The following NECTIN1 variants were observed in gnomAD, a reference collection of about 807,000 sequenced individuals.
NECTIN1 encodes nectin-1.
A neutral mutation model predicts 48.0 loss-of-function variants in NECTIN1; 23 were observed. The ratio of observed to expected loss-of-function variants is 0.48; its 90% CI spans 0.34 to 0.68. The LOEUF (loss-of-function observed/expected upper bound fraction) is 0.68. Ranked by LOEUF, NECTIN1 falls within the 30% of genes least tolerant of loss-of-function variation. The pLI is 0.01. For synonymous variants in NECTIN1, 270 were observed against 288.9 expected, an observed-to-expected ratio of 0.93 and a Z score of 0.66; for missense variants, 591 against 709.9, an observed-to-expected ratio of 0.83 and a Z score of 1.90.
chr11:119,701,183 G>C (rs1459262342), intron 1 of NECTIN1, among the ~76,000 whole-genome samples: 2 of 152,174 alleles, frequency 1.3e-5, no homozygotes, highest in Non-Finnish European at 2.9e-5. Flanking sequence ...TGTGAAATGG[G>C]AACACCAATT....
At chr11:119,693,271 G>A (rs1353953259) in intron 1 of NECTIN1, among the ~76,000 whole-genome samples, 1 of 152,162 alleles carries the variant, frequency 6.6e-6, no homozygotes, top group Non-Finnish European at 1.5e-5. Context: ...CCTGGAGGTG[G>A]CACCTGCACC....
At chr11:119,705,570 G>A (rs572607463) in intron 1 of NECTIN1, among the ~76,000 whole-genome samples, 29 of 152,372 alleles carry the variant, frequency 1.9e-4, no homozygotes, top group South Asian at 1.0e-3. Context: ...GCGGGAGAGC[G>A]TCTGGTAACT....
intron 1 of NECTIN1, among the ~76,000 whole-genome samples, chr11:119,719,195 C>T (rs1865790346): frequency 6.6e-6 from 1 of 152,176 alleles, no homozygotes; most frequent in Non-Finnish European, 1.5e-5. Context: ...CTAATAACTC[C>T]CCAAATGCAT....
rs1348186225 is a variant in NECTIN1 at position 119,662,409 on chromosome 11, G to C, written c.*2338C>G. The stretch of plus-strand genomic sequence containing the variant: ...TGAGGCTGGGCCCCTGGCAAGTCAG[G>C]AGCCTCCTACGTGGCCCATGCTACA... On this transcript the variant is annotated 3_prime_UTR_variant, in exon 6 of 6. Transcript: ENST00000264025. This position sits in a 1 kb window ranked among gnomAD's most constrained non-coding sequence, Gnocchi z 5.3. 1 of 985,672 alleles carries C rather than the reference G, an allele frequency of 1.0e-6. No individual in the cohort carries two copies. The highest frequency in any genetic ancestry group is 1.2e-6 in the Non-Finnish European group (1 of 829,960). 61.1% of individuals were successfully genotyped at this position (985,672 alleles called of 1,614,324 possible).
intron 5 of NECTIN1, among the ~76,000 whole-genome samples, chr11:119,668,397 T>C (rs1864811081): frequency 6.6e-6 from 1 of 152,220 alleles, no homozygotes; most frequent in Non-Finnish European, 1.5e-5. Context: ...AGACCAGCAA[T>C]GGCTCCCCAA....
At chr11:119,645,806 G>C (rs1346846953) in intron 5 of NECTIN1, among the ~76,000 whole-genome samples, 3 of 152,182 alleles carry the variant, frequency 2.0e-5, no homozygotes, top group Admixed American at 6.5e-5. Flanking sequence ...CCTCAGTTTA[G>C]CTCATACAGG....
rs1458891769 is a variant in NECTIN1, at chr11:119,662,825, T to C, written c.*1922A>G. 4 of 985,934 alleles carry C rather than the reference T, an allele frequency of 4.1e-6. No individual in the cohort carries two copies. The Admixed American group carries it at 2.5e-4, about 61-fold the overall frequency. The allele number at this position is 985,934 out of a possible 1,614,324, so 61.1% of individuals were successfully genotyped here. ...ACAATTTTCTCCCCTAACTTCACCCTATCCAGTACCCCAAATGTGTAGAGG... is the reference window on the plus strand; with the variant it reads ...ACAATTTTCTCCCCTAACTTCACCCCATCCAGTACCCCAAATGTGTAGAGG... On this transcript the variant is annotated 3_prime_UTR_variant, in exon 6 of 6. Coordinates refer to ENST00000264025, the MANE Select transcript of NECTIN1 (RefSeq NM_002855.5). The surrounding 1 kb of genome is among the most constrained non-coding windows in gnomAD (Gnocchi z 5.3).
Position 119,677,831 on chromosome 11 carries a change from T to C in NECTIN1, c.457A>G (p.Thr153Ala), listed in dbSNP as rs371651972. The C allele has an allele frequency of 1.7e-5, 27 of 1,613,974 alleles. No individual in the cohort carries two copies. The highest frequency in any genetic ancestry group is 5.3e-5 in the African/African-American group (4 of 74,892). ...MAKPTNWIEG[T>A]QAVLRAKKGQ... ...TTCTTGGCTCGAAGCACTGCCTGGGTACCCTCTATCCAATTGGTGGGTTTG... is the reference window on the plus strand; with the variant it reads ...TTCTTGGCTCGAAGCACTGCCTGGGCACCCTCTATCCAATTGGTGGGTTTG... The change falls in exon 3 of 6, where the codon ACC becomes GCC. Residue 153 changes from threonine to alanine, a missense_variant. Thr to Ala is a moderately conservative substitution (Grantham distance 58). Transcript: ENST00000264025. The surrounding 1 kb of genome is among the most constrained non-coding windows in gnomAD (Gnocchi z 5.4).
chr11:119,686,650 A>G (rs1247092461), intron 1 of NECTIN1, among the ~76,000 whole-genome samples: 1 of 151,998 alleles, frequency 6.6e-6, no homozygotes, highest in African/African-American at 2.4e-5. Flanking sequence ...GCCACACTTA[A>G]CAATCCGGTC....
At chr11:119,704,723 C>T (rs1168495611) in intron 1 of NECTIN1, among the ~76,000 whole-genome samples, 1 of 152,240 alleles carries the variant, frequency 6.6e-6, no homozygotes, top group East Asian at 1.9e-4. Context: ...ATGAAGCAGG[C>T]CTTGGTGGAG....
chr11:119,654,692 C>T (rs2135534566), intron 5 of NECTIN1, among the ~76,000 whole-genome samples: 1 of 152,186 alleles, frequency 6.6e-6, no homozygotes, highest in African/African-American at 2.4e-5. Context: ...CTGCCTCAGC[C>T]TCCTGAGTAG....
chr11:119,695,133 G>C (rs1039264579), intron 1 of NECTIN1, among the ~76,000 whole-genome samples: 1 of 152,144 alleles, frequency 6.6e-6, no homozygotes, highest in African/African-American at 2.4e-5. Flanking sequence ...TCAGGCTCGG[G>C]AAGTGATCTG....
chr11:119,685,591 C>T (rs970341001), intron 1 of NECTIN1, among the ~76,000 whole-genome samples: 4 of 152,224 alleles, frequency 2.6e-5, no homozygotes, highest in African/African-American at 7.2e-5. Context: ...CTGAGGACAC[C>T]TGGATTCTGT....
At chr11:119,638,323 T>A in intron 7 of NECTIN1, 1 of 1,557,142 alleles carries the variant, frequency 6.4e-7, no homozygotes, top group Non-Finnish European at 8.8e-7. Flanking sequence ...GACTCCCAGT[T>A]GGATTGGGAC....
At chr11:119,669,459 C>T (rs923942866) in intron 5 of NECTIN1, among the ~76,000 whole-genome samples, 1 of 151,950 alleles carries the variant, frequency 6.6e-6, no homozygotes, top group African/African-American at 2.4e-5. Context: ...CTCACCGTCT[C>T]CATCACTACC....
At chr11:119,716,761 C>T (rs893487393) in intron 1 of NECTIN1, among the ~76,000 whole-genome samples, 1 of 152,244 alleles carries the variant, frequency 6.6e-6, no homozygotes, top group Non-Finnish European at 1.5e-5. Flanking sequence ...CCAGGCTGTG[C>T]CCCCAACCCC....
At chr11:119,715,802 C>T (rs1204718031) in intron 1 of NECTIN1, among the ~76,000 whole-genome samples, 1 of 152,174 alleles carries the variant, frequency 6.6e-6, no homozygotes, top group Non-Finnish European at 1.5e-5. Flanking sequence ...CACCATCCAC[C>T]CAGGCCTCAA....
Position 119,678,458 on chromosome 11 carries a change from G to A in NECTIN1, c.387C>T (p.Phe129=), listed in dbSNP as rs770372133. 10 of 1,614,254 alleles carry A rather than the reference G, an allele frequency of 6.2e-6. No homozygotes were observed. The highest frequency in any genetic ancestry group is 3.3e-5 in the Admixed American group (2 of 60,036). ...GCTGGCTTTCTCGATTGCCCGTAGGGAAGGTAGCAAACTCGCAGATGTAGA... is the reference window on the plus strand; with the variant it reads ...GCTGGCTTTCTCGATTGCCCGTAGGAAAGGTAGCAAACTCGCAGATGTAGA... The part of the protein sequence containing the change: ...EGVYICEFAT[F]PTGNRESQLN... The change falls in exon 2 of 6, where the codon TTC becomes TTT. Residue 129 remains phenylalanine (F), a synonymous_variant. Coordinates refer to ENST00000264025, the MANE Select transcript of NECTIN1 (RefSeq NM_002855.5). The surrounding 1 kb of genome is among the most constrained non-coding windows in gnomAD (Gnocchi z 4.4).
Position 119,664,596 on chromosome 11 carries a change from G to T in NECTIN1, c.*151C>A. ...CAAAGCCAAGTCGTGGCTGCCCTGG[G>T]CTCCCCTGGCCCCCCAGGAGTTCGG... On this transcript the variant is annotated 3_prime_UTR_variant, in exon 6 of 6. Coordinates refer to ENST00000264025, the MANE Select transcript of NECTIN1 (RefSeq NM_002855.5). The T allele has an allele frequency of 6.9e-7, 1 of 1,440,256 alleles. No homozygotes were observed. The highest frequency in any genetic ancestry group is 2.6e-4 in the Middle Eastern group (1 of 3,874). 89.2% of individuals were successfully genotyped at this position (1,440,256 alleles called of 1,614,324 possible). A position where few individuals can be genotyped will look rare whatever the true frequency, so the allele number is the denominator to read the frequency against.
Sources: gnomAD v4.1 joint callset for allele counts (sites outside exome capture counted in the v4.1 genomes callset) on GRCh38, gnomAD v4.1.1 for gene constraint, Gnocchi (gnomAD v3.1) non-coding constraint, MANE v1.5 for transcripts, NCBI Gene and HGNC (gene_info 2026-07-23, HGNC 2026-07-21) for gene names.